The following KGD4 variants were observed in gnomAD, a reference collection of about 807,000 sequenced individuals.
KGD4 encodes alpha-ketoglutarate dehydrogenase subunit 4, also known as alpha-ketoglutarate dehydrogenase component 4.
At chr5:69,228,122 TTTGA>T in the KGD4 span, 1 of 1,078,226 alleles carries the variant, frequency 9.3e-7, no homozygotes, top group Non-Finnish European at 1.3e-6. Flanking sequence ...GACTTGATTA[TTTGA>T]TAGTATTTTA....
the KGD4 span, chr5:69,218,143 G>T: frequency 1.9e-6 from 1 of 526,196 alleles, no homozygotes. Flanking sequence ...GGGATCCCCC[G>T]CTCCTCCGCC....
chr5:69,229,192 A>T, the KGD4 span: 4 of 1,608,630 alleles, frequency 2.5e-6, no homozygotes, highest in Non-Finnish European at 3.4e-6. Context: ...TTACTGCTTT[A>T]TTTTTTCCTT....
the KGD4 span, among the ~76,000 whole-genome samples, chr5:69,218,709 A>G: frequency 6.6e-6 from 1 of 152,188 alleles, no homozygotes; most frequent in Non-Finnish European, 1.5e-5. Context: ...CTGAAACTAT[A>G]TTATTTTATA....
the KGD4 span, among the ~76,000 whole-genome samples, chr5:69,225,970 A>G: frequency 2.0e-5 from 3 of 152,186 alleles, no homozygotes; most frequent in Non-Finnish European, 4.4e-5. Context: ...CACTCACGCA[A>G]TCTGCCTGTC....
At chr5:69,225,594 G>A in the KGD4 span, among the ~76,000 whole-genome samples, 1 of 126,654 alleles carries the variant, frequency 7.9e-6, no homozygotes, top group Middle Eastern at 6.6e-3. Flanking sequence ...TTTTTAAGAT[G>A]GAGTCTCACT....
chr5:69,222,568 C>CT, the KGD4 span, among the ~76,000 whole-genome samples: 1 of 152,006 alleles, frequency 6.6e-6, no homozygotes, highest in African/African-American at 2.4e-5. Context: ...TTTCAAACTT[C>CT]TTTTTTTTCT....
the KGD4 span, among the ~76,000 whole-genome samples, chr5:69,228,959 G>A: frequency 7.3e-6 from 1 of 137,366 alleles, no homozygotes; most frequent in African/African-American, 2.7e-5. Flanking sequence ...AGGTTGCAGT[G>A]AGCCAAGGTC....
chr5:69,221,179 A>C, the KGD4 span, among the ~76,000 whole-genome samples: 1 of 150,154 alleles, frequency 6.7e-6, no homozygotes, highest in African/African-American at 2.5e-5. Context: ...AAGAATGATC[A>C]ATAAATACTA....
the KGD4 span, among the ~76,000 whole-genome samples, chr5:69,223,074 C>CTTTTTTTTTTTT: frequency 8.5e-5 from 5 of 59,126 alleles, 1 homozygote; most frequent in Admixed American, 2.8e-4. Flanking sequence ...CGGTGCGCAG[C>CTTTTTTTTTTTT]TTTTTTTTTT....
chr5:69,227,681 C>T, the KGD4 span, among the ~76,000 whole-genome samples: 1 of 152,182 alleles, frequency 6.6e-6, no homozygotes, highest in Non-Finnish European at 1.5e-5. Context: ...TAAGATATTA[C>T]CTGTAAACTC....
the KGD4 span, chr5:69,226,519 G>C: frequency 1.4e-6 from 1 of 716,872 alleles, no homozygotes; most frequent in Non-Finnish European, 2.3e-6. Flanking sequence ...TTGTAGCTTA[G>C]ATCAAAATAG....
chr5:69,220,401 C>T, the KGD4 span, among the ~76,000 whole-genome samples: 192 of 152,074 alleles, frequency 1.3e-3, no homozygotes, highest in African/African-American at 4.5e-3. Context: ...CACACCTGTA[C>T]TCCCAACACT....
chr5:69,219,331 T>C, the KGD4 span, among the ~76,000 whole-genome samples: 1 of 152,116 alleles, frequency 6.6e-6, no homozygotes, highest in African/African-American at 2.4e-5. Context: ...ACGTAAATGT[T>C]CACAGAAAAA....
the KGD4 span, chr5:69,229,101 A>G: frequency 1.1e-6 from 1 of 924,652 alleles, no homozygotes; most frequent in South Asian, 1.4e-5. Context: ...TTTTTTAAAA[A>G]CCAAAGATTA....
the KGD4 span, among the ~76,000 whole-genome samples, chr5:69,223,424 G>A: frequency 6.7e-6 from 1 of 148,226 alleles, no homozygotes. Flanking sequence ...TTTATGGTGA[G>A]GGAGAGAACA....
At chr5:69,221,937 C>T in the KGD4 span, among the ~76,000 whole-genome samples, 15 of 52,162 alleles carry the variant, frequency 2.9e-4, no homozygotes, top group Admixed American at 1.5e-3. Context: ...GAGACCAAGG[C>T]GGGCAGATCA....
the KGD4 span, chr5:69,229,305 G>A: frequency 3.3e-6 from 4 of 1,199,222 alleles, no homozygotes; most frequent in South Asian, 2.8e-5. Flanking sequence ...ATGAGAAACT[G>A]TATATTAAAC....
At chr5:69,230,057 A>G in the KGD4 span, 1 of 151,922 alleles carries the variant, frequency 6.6e-6, no homozygotes, top group African/African-American at 2.4e-5. Context: ...TTACTTATTA[A>G]GCAGTTTATG....
the KGD4 span, among the ~76,000 whole-genome samples, chr5:69,226,060 T>C: frequency 6.6e-6 from 1 of 152,192 alleles, no homozygotes; most frequent in African/African-American, 2.4e-5. Flanking sequence ...CTATAAGTCA[T>C]GCAACATAAA....
Sources: allele counts gnomAD v4.1 joint callset (sites outside exome capture counted in the v4.1 genomes callset), GRCh38; gene constraint gnomAD v4.1.1; transcripts MANE v1.5; gene names NCBI Gene and HGNC (gene_info 2026-07-23, HGNC 2026-07-21).